Variants in SDK1 observed in about 807,000 individuals in gnomAD.
SDK1 encodes the protein sidekick cell adhesion molecule 1, also known as protein sidekick-1.
Under a neutral mutation model 245.5 loss-of-function variants are expected in SDK1, and 157 were observed. The observed-to-expected ratio is 0.64, with a 90% CI of 0.56 to 0.73. The LOEUF (loss-of-function observed/expected upper bound fraction) is 0.73. Ranked by LOEUF, SDK1 falls within the 30% of genes least tolerant of loss-of-function variation. The probability of loss-of-function intolerance (pLI) is 0.00; values close to 1 mark genes in which losing one functional copy is unlikely to be tolerated. For synonymous variants in SDK1, 1,647 were observed against 1,278.5 expected (o/e 1.29, Z -6.15); for missense variants, 3,583 against 3,002.3 (o/e 1.19, Z -4.52).
At chr7:3,388,489 C>G (rs538713857) in intron 1 of SDK1, among the ~76,000 whole-genome samples, 1 of 152,150 alleles carries the variant, frequency 6.6e-6, no homozygotes, top group South Asian at 2.1e-4. Flanking sequence ...TATTCTCAAA[C>G]TCCTAGGCTC....
chr7:3,459,303 T>C (rs1277764257), intron 1 of SDK1, among the ~76,000 whole-genome samples: 1 of 152,200 alleles, frequency 6.6e-6, no homozygotes, highest in East Asian at 1.9e-4. Context: ...TTGTCATACT[T>C]TTTGTATGGC....
At chr7:4,044,169 G>A (rs1788847224) in intron 17 of SDK1, among the ~76,000 whole-genome samples, 1 of 152,304 alleles carries the variant, frequency 6.6e-6, no homozygotes, top group African/African-American at 2.4e-5. Flanking sequence ...TGGGAAGATG[G>A]CTTCGTGCAC....
chr7:3,935,419 A>C (rs1029486501), intron 5 of SDK1, among the ~76,000 whole-genome samples: 5 of 152,238 alleles, frequency 3.3e-5, no homozygotes, highest in Non-Finnish European at 7.3e-5. Flanking sequence ...ATCAAAGGAC[A>C]CTGTCAACAG....
intron 2 of SDK1, among the ~76,000 whole-genome samples, chr7:3,633,262 A>T (rs1782352870): frequency 6.6e-6 from 1 of 152,184 alleles, no homozygotes; most frequent in Admixed American, 6.5e-5. Context: ...CCACTGAAAG[A>T]GAAAAATCTT....
At chr7:3,332,765 G>T (rs1780101800) in intron 1 of SDK1, among the ~76,000 whole-genome samples, 1 of 152,124 alleles carries the variant, frequency 6.6e-6, no homozygotes. Flanking sequence ...TCTAGTTCCA[G>T]ATAACTTCTT....
intron 4 of SDK1, among the ~76,000 whole-genome samples, chr7:3,723,645 TAGTA>T (rs1352475963): frequency 2.0e-5 from 3 of 149,836 alleles, no homozygotes; most frequent in South Asian, 2.1e-4. Flanking sequence ...TTCATTCAGT[TAGTA>T]AGTAAAAGTT....
chr7:4,242,899 C>T (rs1025874544), intron 43 of SDK1, among the ~76,000 whole-genome samples: 7 of 152,198 alleles, frequency 4.6e-5, no homozygotes, highest in African/African-American at 1.7e-4. Context: ...ACGGGTGGGC[C>T]TTCTCCCAGC....
At chr7:4,225,107 C>T (rs930758671) in intron 40 of SDK1, among the ~76,000 whole-genome samples, 9 of 151,426 alleles carry the variant, frequency 5.9e-5, no homozygotes, top group Non-Finnish European at 1.2e-4. Context: ...ATTAAGGATC[C>T]CAGCAGATGG....
intron 4 of SDK1, among the ~76,000 whole-genome samples, chr7:3,817,015 G>A (rs1401479871): frequency 6.6e-6 from 1 of 152,034 alleles, no homozygotes; most frequent in Non-Finnish European, 1.5e-5. Context: ...ATGTTTAATG[G>A]GCAAAGTTAT....
chr7:3,993,896 T>G (rs935434805), intron 14 of SDK1, among the ~76,000 whole-genome samples: 7 of 152,208 alleles, frequency 4.6e-5, no homozygotes, highest in Non-Finnish European at 8.8e-5. Flanking sequence ...TGAGCTCCAC[T>G]GAGTCCACAT....
chr7:4,165,129 C>T (rs938773385), intron 32 of SDK1, among the ~76,000 whole-genome samples: 11 of 151,926 alleles, frequency 7.2e-5, no homozygotes, highest in South Asian at 4.2e-4. Flanking sequence ...GAGGCTGAGG[C>T]GGGTGGATCA....
chr7:3,827,046 T>C (rs1658715394), intron 5 of SDK1, among the ~76,000 whole-genome samples: 1 of 152,162 alleles, frequency 6.6e-6, no homozygotes, highest in Non-Finnish European at 1.5e-5. Flanking sequence ...CATCCCAAGG[T>C]GTCCCCTTTT....
chr7:3,348,133 C>CA (rs1457388265), intron 1 of SDK1, among the ~76,000 whole-genome samples: 1 of 152,162 alleles, frequency 6.6e-6, no homozygotes, highest in Admixed American at 6.5e-5. Flanking sequence ...GTTTACATCA[C>CA]AGACAGCAAA....
intron 40 of SDK1, among the ~76,000 whole-genome samples, chr7:4,231,701 C>G (rs1785781176): frequency 6.6e-6 from 1 of 152,196 alleles, no homozygotes; most frequent in African/African-American, 2.4e-5. Context: ...TTTAAAATCT[C>G]ATTCACGTCT....
intron 16 of SDK1, among the ~76,000 whole-genome samples, chr7:4,012,647 C>G (rs755695003): frequency 7.8e-5 from 10 of 128,700 alleles, no homozygotes; most frequent in Non-Finnish European, 1.3e-4. Flanking sequence ...AATCTTGGCT[C>G]AATGCAACTT....
chr7:3,764,202 T>C (rs1190177409), intron 4 of SDK1, among the ~76,000 whole-genome samples: 1 of 152,224 alleles, frequency 6.6e-6, no homozygotes, highest in East Asian at 1.9e-4. Flanking sequence ...CAGTAATTTC[T>C]TGCATTGTAA....
At chr7:3,830,905 A>G (rs1489864800) in intron 5 of SDK1, among the ~76,000 whole-genome samples, 2 of 152,358 alleles carry the variant, frequency 1.3e-5, no homozygotes, top group East Asian at 3.9e-4. Flanking sequence ...GTGGAATCAT[A>G]TTATGTAAAC....
At chr7:3,729,476 G>A (rs1229516151) in intron 4 of SDK1, among the ~76,000 whole-genome samples, 1 of 152,158 alleles carries the variant, frequency 6.6e-6, no homozygotes, top group Non-Finnish European at 1.5e-5. Context: ...TTGCCATCTT[G>A]TGAGTGAAGG....
chr7:4,031,657 A>C lies in SDK1; in HGVS notation c.2602+14305A>C, dbSNP rs559551207. Among the ~76,000 whole-genome samples the C allele has an allele frequency of 3.2e-4, 48 of 152,308 alleles. 2 individuals are homozygous for C. The South Asian group carries it at 1.0e-2, about 32-fold the overall frequency. On this transcript the variant is annotated intron_variant, in intron 17 of 44. Coordinates refer to ENST00000404826, the MANE Select transcript of SDK1 (RefSeq NM_152744.4). ...TAGATATAGCAACTATCTACATATA[A>C]ATATATGTAGATATAGCAAATATAT...
Sources: allele counts gnomAD v4.1 joint callset (sites outside exome capture counted in the v4.1 genomes callset), GRCh38; gene constraint gnomAD v4.1.1; transcripts MANE v1.5; gene names NCBI Gene and HGNC (gene_info 2026-07-23, HGNC 2026-07-21).